The following LOC128462377 variants were observed in gnomAD, a reference collection of about 807,000 sequenced individuals.
At chr16:89,399,165 A>G in the LOC128462377 span, among the ~76,000 whole-genome samples, 4 of 152,184 alleles carry the variant, frequency 2.6e-5, no homozygotes, top group Non-Finnish European at 5.9e-5. Context: ...GAGTCCACGC[A>G]AGGACACCTC....
At chr16:89,353,511 TG>T in the LOC128462377 span, among the ~76,000 whole-genome samples, 12 of 152,094 alleles carry the variant, frequency 7.9e-5, no homozygotes, top group African/African-American at 2.6e-4. Context: ...AGAGTCTTAC[TG>T]TGTCACCCAG....
the LOC128462377 span, among the ~76,000 whole-genome samples, chr16:89,357,185 C>T: frequency 2.6e-5 from 4 of 152,196 alleles, no homozygotes; most frequent in Admixed American, 2.6e-4. Flanking sequence ...TACAACACAC[C>T]TTCGAAGATG....
chr16:89,401,832 G>C, the LOC128462377 span, among the ~76,000 whole-genome samples: 1 of 151,826 alleles, frequency 6.6e-6, no homozygotes, highest in African/African-American at 2.4e-5. Context: ...GTGGTGATGC[G>C]TCTACAAGCC....
chr16:89,329,965 G>C, the LOC128462377 span, among the ~76,000 whole-genome samples: 2 of 148,742 alleles, frequency 1.3e-5, no homozygotes, highest in African/African-American at 5.1e-5. Context: ...ACTCCAGCCT[G>C]GGCGACAGAC....
the LOC128462377 span, among the ~76,000 whole-genome samples, chr16:89,359,457 G>A: frequency 6.6e-6 from 1 of 152,216 alleles, no homozygotes; most frequent in African/African-American, 2.4e-5. Context: ...GCACACGTCT[G>A]CTGCAGCCCC....
chr16:89,319,512 G>C, the LOC128462377 span, among the ~76,000 whole-genome samples: 1 of 152,228 alleles, frequency 6.6e-6, no homozygotes, highest in South Asian at 2.1e-4. Context: ...CACGATGACA[G>C]CTAAGACCAT....
chr16:89,346,354 C>G, the LOC128462377 span, among the ~76,000 whole-genome samples: 1 of 151,776 alleles, frequency 6.6e-6, no homozygotes, highest in East Asian at 1.9e-4. Context: ...AAGGAGACAA[C>G]CCTAACCCAG....
the LOC128462377 span, among the ~76,000 whole-genome samples, chr16:89,399,010 C>T: frequency 3.3e-5 from 5 of 152,196 alleles, no homozygotes; most frequent in African/African-American, 4.8e-5. Context: ...AAATTGTTAA[C>T]AAGCTCCATG....
chr16:89,407,360 TAAAG>T, the LOC128462377 span, among the ~76,000 whole-genome samples: 4 of 152,090 alleles, frequency 2.6e-5, no homozygotes, highest in South Asian at 8.3e-4. Flanking sequence ...GCCAGAGGTT[TAAAG>T]AAAGAGACAA....
chr16:89,318,260 G>A, the LOC128462377 span, among the ~76,000 whole-genome samples: 1 of 152,206 alleles, frequency 6.6e-6, no homozygotes, highest in Non-Finnish European at 1.5e-5. Flanking sequence ...CTCCCTGCCT[G>A]TGGGCCTTCT....
the LOC128462377 span, among the ~76,000 whole-genome samples, chr16:89,413,131 C>G: frequency 6.6e-6 from 1 of 152,200 alleles, no homozygotes; most frequent in African/African-American, 2.4e-5. Context: ...ACAGGTCTAA[C>G]TTAAATGACA....
the LOC128462377 span, among the ~76,000 whole-genome samples, chr16:89,353,772 G>A: frequency 1.6e-3 from 242 of 152,284 alleles, no homozygotes; most frequent in South Asian, 8.9e-3. Flanking sequence ...GAGCCACTAC[G>A]CCCGAACTGG....
chr16:89,398,851 G>T, the LOC128462377 span, among the ~76,000 whole-genome samples: 1 of 152,110 alleles, frequency 6.6e-6, no homozygotes, highest in African/African-American at 2.4e-5. Flanking sequence ...GTGCTTTCTG[G>T]CCCAGGAGTA....
the LOC128462377 span, among the ~76,000 whole-genome samples, chr16:89,360,343 C>A: frequency 6.6e-6 from 1 of 152,192 alleles, no homozygotes; most frequent in Admixed American, 6.5e-5. Flanking sequence ...GCAATCCTCT[C>A]GAATTGGTCT....
chr16:89,382,658 C>G, the LOC128462377 span, among the ~76,000 whole-genome samples: 2 of 151,498 alleles, frequency 1.3e-5, no homozygotes, highest in South Asian at 4.2e-4. Context: ...AATTCCCCCC[C>G]TCCAGTAGAT....
the LOC128462377 span, among the ~76,000 whole-genome samples, chr16:89,400,111 T>C: frequency 6.2e-5 from 1 of 16,260 alleles, no homozygotes; most frequent in Non-Finnish European, 9.3e-5. Flanking sequence ...TGGGGGACGG[T>C]CATCTGCTGC....
the LOC128462377 span, among the ~76,000 whole-genome samples, chr16:89,408,214 G>A: frequency 1.3e-5 from 2 of 152,178 alleles, no homozygotes; most frequent in South Asian, 2.1e-4. Flanking sequence ...GAAACTCCCT[G>A]AGAGAGCTCA....
At chr16:89,369,877 C>T in the LOC128462377 span, among the ~76,000 whole-genome samples, 2 of 152,212 alleles carry the variant, frequency 1.3e-5, no homozygotes, top group Non-Finnish European at 2.9e-5. Context: ...GCTCCCTGTT[C>T]TTTCTTACAT....
the LOC128462377 span, among the ~76,000 whole-genome samples, chr16:89,328,673 A>G: frequency 6.8e-6 from 1 of 146,678 alleles, no homozygotes; most frequent in Non-Finnish European, 1.5e-5. Flanking sequence ...CTGCTGAGTG[A>G]GTGGACACAC....
Sources: allele counts gnomAD v4.1 joint callset (sites outside exome capture counted in the v4.1 genomes callset), GRCh38; gene constraint gnomAD v4.1.1; transcripts MANE v1.5.